Variants in KLHL5 observed in about 807,000 individuals in gnomAD.
KLHL5 encodes the protein kelch like family member 5.
Under a neutral mutation model 77.7 loss-of-function variants are expected in KLHL5, and 48 were observed. That is an observed-to-expected ratio of 0.62 (90% CI 0.49 to 0.79). The LOEUF (loss-of-function observed/expected upper bound fraction) is 0.79. Ranked by LOEUF, KLHL5 falls within the 30% of genes least tolerant of loss-of-function variation. KLHL5 has a pLI of 0.00. For missense variants in KLHL5, 723 were observed against 859.7 expected (o/e 0.84, Z 1.99); for synonymous variants, 260 against 297.0 (o/e 0.88, Z 1.28).
At chr4:39,047,005 T>G (rs1172719495) in intron 1 of KLHL5, among the ~76,000 whole-genome samples, 1 of 152,232 alleles carries the variant, frequency 6.6e-6, no homozygotes, top group Non-Finnish European at 1.5e-5. Flanking sequence ...ACTACAGAAT[T>G]TCTTGGAGAT....
chr4:39,070,679 A>G (rs1322276275), intron 1 of KLHL5, among the ~76,000 whole-genome samples: 1 of 152,156 alleles, frequency 6.6e-6, no homozygotes, highest in Non-Finnish European at 1.5e-5. Context: ...AGAAAATTGG[A>G]TTCTTATAAA....
intron 7 of KLHL5, among the ~76,000 whole-genome samples, chr4:39,106,333 G>A (rs1041044523): frequency 2.0e-5 from 3 of 152,072 alleles, no homozygotes; most frequent in Admixed American, 6.6e-5. Flanking sequence ...TTATCAGAAA[G>A]GTCTCCCCTG....
At chr4:39,056,577 G>A (rs538382014) in intron 1 of KLHL5, among the ~76,000 whole-genome samples, 5 of 152,172 alleles carry the variant, frequency 3.3e-5, no homozygotes, top group African/African-American at 7.2e-5. Flanking sequence ...TTGTGGTATC[G>A]AGTGAATAGA....
intron 1 of KLHL5, among the ~76,000 whole-genome samples, chr4:39,065,806 C>A (rs75398193): frequency 6.6e-6 from 1 of 152,062 alleles, no homozygotes; most frequent in Non-Finnish European, 1.5e-5. Flanking sequence ...ATATGATATA[C>A]TAATTACTCG....
At chr4:39,048,447 G>A (rs1368624307) in intron 1 of KLHL5, among the ~76,000 whole-genome samples, 1 of 152,106 alleles carries the variant, frequency 6.6e-6, no homozygotes, top group Non-Finnish European at 1.5e-5. Context: ...TTATGCTGTG[G>A]TAACAAAAGA....
At chr4:39,058,484 G>A (rs1717153582), upstream of KLHL5, among the ~76,000 whole-genome samples, 1 of 152,062 alleles carries the variant, frequency 6.6e-6, no homozygotes, top group Non-Finnish European at 1.5e-5. Flanking sequence ...AGATGTGATG[G>A]TGCGTGCCTG....
chr4:39,064,428 C>A (rs1040937645), intron 1 of KLHL5, among the ~76,000 whole-genome samples: 1 of 151,938 alleles, frequency 6.6e-6, no homozygotes, highest in African/African-American at 2.4e-5. Flanking sequence ...GTAAAAGATT[C>A]ATCATTTTTG....
intron 10 of KLHL5, chr4:39,115,847 G>T (rs189945788): frequency 9.9e-7 from 1 of 1,013,804 alleles, no homozygotes; most frequent in Non-Finnish European, 1.2e-6. Flanking sequence ...TCACCCTTGT[G>T]TATTTCTGGG....
the KLHL5 span, among the ~76,000 whole-genome samples, chr4:39,142,241 A>G: frequency 6.6e-6 from 1 of 152,114 alleles, no homozygotes; most frequent in Non-Finnish European, 1.5e-5. Context: ...TTATTTATAC[A>G]AAAATTAGCT....
chr4:39,123,269 G>A lies in KLHL5; in HGVS notation c.*2203G>A, dbSNP rs539324076. 4.6e-5 allele frequency among the ~76,000 whole-genome samples: 7 copies of A among 152,236 alleles called. No homozygotes were observed. In the South Asian group the frequency reaches 1.2e-3, roughly 27 times the overall value. On this transcript the variant is annotated 3_prime_UTR_variant, in exon 11 of 11. Transcript: ENST00000504108. ...AGTCCAGGACTAAATGAGTTTACTG[G>A]CAAACTATGCCAAACATATAAAGAA...
At chr4:39,100,026 G>T (rs187751719) in intron 6 of KLHL5, among the ~76,000 whole-genome samples, 40 of 152,032 alleles carry the variant, frequency 2.6e-4, no homozygotes, top group African/African-American at 9.4e-4. Context: ...CTATATTTAT[G>T]TATAATACCC....
chr4:39,128,219 A>T (rs1302974878), downstream of KLHL5, among the ~76,000 whole-genome samples: 1 of 152,210 alleles, frequency 6.6e-6, no homozygotes, highest in Non-Finnish European at 1.5e-5. Flanking sequence ...ATTAGCTTCC[A>T]CTAATTATTC....
At chr4:39,106,616 AC>A (rs1459644139) in intron 7 of KLHL5, among the ~76,000 whole-genome samples, 10 of 152,222 alleles carry the variant, frequency 6.6e-5, no homozygotes, top group African/African-American at 2.4e-4. Flanking sequence ...ATTTGAATTA[AC>A]AGGGGGGAAG....
downstream of KLHL5, among the ~76,000 whole-genome samples, chr4:39,130,079 G>A (rs149342157): frequency 4.0e-4 from 61 of 152,228 alleles, no homozygotes; most frequent in African/African-American, 1.0e-3. Flanking sequence ...CTAATCCAGC[G>A]GCGCTAGAGG....
intron 5 of KLHL5, among the ~76,000 whole-genome samples, chr4:39,092,352 C>T (rs1187225487): frequency 1.3e-5 from 2 of 152,078 alleles, no homozygotes; most frequent in Non-Finnish European, 2.9e-5. Flanking sequence ...CCTACTTATT[C>T]ATAATTTATA....
At chr4:39,073,192 C>G (rs760401912) in intron 1 of KLHL5, among the ~76,000 whole-genome samples, 1 of 152,156 alleles carries the variant, frequency 6.6e-6, no homozygotes, top group Non-Finnish European at 1.5e-5. Context: ...GAAATGCTCC[C>G]TGGGTTGTCC....
intron 1 of KLHL5, chr4:39,063,556 C>T (rs1034017657): frequency 2.3e-6 from 1 of 443,664 alleles, no homozygotes; most frequent in African/African-American, 2.0e-5. Context: ...TTCTCTTTGT[C>T]CTGTCTGTGT....
chr4:39,141,361 TGC>T, the KLHL5 span, among the ~76,000 whole-genome samples: 1 of 138,770 alleles, frequency 7.2e-6, no homozygotes, highest in African/African-American at 2.7e-5. Flanking sequence ...CAGGCTGGAG[TGC>T]AGTGGCGCAA....
At chr4:39,134,745 A>G in the KLHL5 span, among the ~76,000 whole-genome samples, 1 of 152,240 alleles carries the variant, frequency 6.6e-6, no homozygotes, top group Non-Finnish European at 1.5e-5. Context: ...TGAAAGGACA[A>G]AAGAAGGGCA....
Sources: gnomAD v4.1 joint callset for allele counts (sites outside exome capture counted in the v4.1 genomes callset) on GRCh38, gnomAD v4.1.1 for gene constraint, MANE v1.5 for transcripts, NCBI Gene and HGNC (gene_info 2026-07-23, HGNC 2026-07-21) for gene names.